TOX: variants seen among roughly 807,000 people sequenced by gnomAD.
The protein encoded by TOX is thymocyte selection associated high mobility group box.
In TOX, 11 loss-of-function variants were observed where a neutral mutation model predicts 53.7. The observed-to-expected ratio is 0.20, with a 90% confidence interval of 0.13 to 0.34. The LOEUF is 0.34. Ranked by LOEUF, TOX falls within the 10% of genes least tolerant of loss-of-function variation. The pLI, the probability that TOX is intolerant of heterozygous loss-of-function variation, is 1.00. For synonymous variants in TOX, 225 were observed against 245.3 expected (o/e 0.92, Z 0.77); for missense variants, 570 against 664.6 (o/e 0.86, Z 1.56).
Position 58,989,303 on chromosome 8 carries a change from G to A in TOX, c.103-29295C>T, listed in dbSNP as rs553349084. Among the ~76,000 whole-genome samples the A allele has an allele frequency of 5.4e-4, 82 of 151,250 alleles. 1 individual carries two copies. Among genetic ancestry groups the A allele is most frequent in the African/African-American group, 2.0e-3 (81 of 41,266 alleles). On this transcript the variant is annotated intron_variant, in intron 1 of 8. Coordinates refer to ENST00000361421, the MANE Select transcript of TOX (RefSeq NM_014729.3). ...TGCACTCCAGCCTGGGTGACAGAGC[G>A]AGACTCTATCTCAAAAAAAAAAAAA...
At chr8:58,901,200 A>G (rs943879269) in intron 3 of TOX, among the ~76,000 whole-genome samples, 7 of 152,166 alleles carry the variant, frequency 4.6e-5, no homozygotes, top group African/African-American at 1.7e-4. Flanking sequence ...CTGTAGCAAA[A>G]TGATTCAAGT....
intron 3 of TOX, among the ~76,000 whole-genome samples, chr8:58,891,924 CA>C (rs1241982708): frequency 1.3e-5 from 2 of 152,156 alleles, no homozygotes; most frequent in Non-Finnish European, 1.5e-5. Context: ...TTTATTTACA[CA>C]TTTTGGTCAG....
At chr8:58,839,821 A>G (rs1810614147) in intron 4 of TOX, among the ~76,000 whole-genome samples, 1 of 152,194 alleles carries the variant, frequency 6.6e-6, no homozygotes, top group African/African-American at 2.4e-5. Flanking sequence ...AATAACTGCC[A>G]CCATTGGAGA....
At chr8:59,051,009 C>T (rs1421210737) in intron 1 of TOX, among the ~76,000 whole-genome samples, 1 of 152,038 alleles carries the variant, frequency 6.6e-6, no homozygotes, top group Non-Finnish European at 1.5e-5. Context: ...GACAAATGTA[C>T]ATATTCTCAC....
chr8:58,902,222 C>T (rs1253253453), intron 3 of TOX, among the ~76,000 whole-genome samples: 5 of 152,114 alleles, frequency 3.3e-5, no homozygotes, highest in Non-Finnish European at 7.4e-5. Flanking sequence ...GCAAAAGTTA[C>T]AGCCTTTATC....
intron 7 of TOX, among the ~76,000 whole-genome samples, chr8:58,808,778 C>G (rs1276190001): frequency 6.6e-6 from 1 of 152,162 alleles, no homozygotes; most frequent in Admixed American, 6.5e-5. Context: ...CCATCTGCTT[C>G]TTCTTTTATT....
At chr8:58,867,158 A>C (rs2129169633) in intron 3 of TOX, among the ~76,000 whole-genome samples, 1 of 152,336 alleles carries the variant, frequency 6.6e-6, no homozygotes, top group Non-Finnish European at 1.5e-5. Context: ...TTTTGAAGAC[A>C]AAAAACACTC....
At chr8:59,093,424 G>T (rs1804659791) in intron 1 of TOX, among the ~76,000 whole-genome samples, 1 of 152,194 alleles carries the variant, frequency 6.6e-6, no homozygotes, top group African/African-American at 2.4e-5. Flanking sequence ...TCCACTGAAT[G>T]ATTATTAATG....
At chr8:58,981,548 A>G (rs1226888573) in intron 1 of TOX, among the ~76,000 whole-genome samples, 1 of 152,254 alleles carries the variant, frequency 6.6e-6, no homozygotes, top group African/African-American at 2.4e-5. Flanking sequence ...CCACTATACA[A>G]TAATGTTTTC....
intron 1 of TOX, among the ~76,000 whole-genome samples, chr8:59,037,750 C>T (rs1245250722): frequency 4.8e-5 from 7 of 145,088 alleles, no homozygotes; most frequent in African/African-American, 1.8e-4. Context: ...TGCAGTGAGC[C>T]GAGACCATGC....
At chr8:58,903,699 A>G (rs755401729) in intron 3 of TOX, among the ~76,000 whole-genome samples, 2 of 152,208 alleles carry the variant, frequency 1.3e-5, no homozygotes, top group Non-Finnish European at 2.9e-5. Flanking sequence ...GAATTTTTGA[A>G]CAGGAGGTGA....
intron 1 of TOX, among the ~76,000 whole-genome samples, chr8:59,024,294 T>C (rs755016307): frequency 6.6e-6 from 1 of 152,190 alleles, no homozygotes; most frequent in Admixed American, 6.5e-5. Context: ...ATTTGAACAA[T>C]TTTAGATAAA....
intron 1 of TOX, among the ~76,000 whole-genome samples, chr8:59,096,023 C>A (rs1006324089): frequency 1.3e-5 from 2 of 152,158 alleles, no homozygotes; most frequent in Non-Finnish European, 2.9e-5. Context: ...TGTCCAACTC[C>A]CCACCTCTCC....
At chr8:59,019,810 T>G (rs1814088102) in intron 1 of TOX, among the ~76,000 whole-genome samples, 1 of 152,334 alleles carries the variant, frequency 6.6e-6, no homozygotes, top group East Asian at 1.9e-4. Context: ...CAGATTATCA[T>G]TTCACTCGGT....
chr8:59,006,637 T>C (rs148690687), intron 1 of TOX, among the ~76,000 whole-genome samples: 8 of 152,322 alleles, frequency 5.3e-5, no homozygotes, highest in African/African-American at 7.2e-5. Flanking sequence ...TCTAATCCTC[T>C]AGGAACTTTT....
At chr8:58,860,084 A>C (rs1416075204) in intron 3 of TOX, among the ~76,000 whole-genome samples, 1 of 152,132 alleles carries the variant, frequency 6.6e-6, no homozygotes, top group East Asian at 1.9e-4. Flanking sequence ...ACAACTGAAA[A>C]AGCAATTTTA....
At chr8:58,874,208 C>T (rs1394766779) in intron 3 of TOX, among the ~76,000 whole-genome samples, 1 of 151,476 alleles carries the variant, frequency 6.6e-6, no homozygotes, top group East Asian at 1.9e-4. Context: ...ACTCTCTCTG[C>T]CCCCTGCCCT....
At chr8:59,064,938 G>A (rs1804059734) in intron 1 of TOX, among the ~76,000 whole-genome samples, 1 of 151,980 alleles carries the variant, frequency 6.6e-6, no homozygotes, top group African/African-American at 2.4e-5. Context: ...TTTCTAAAAG[G>A]GGCCCACTTG....
At chr8:58,856,669 T>C (rs1424541613) in intron 3 of TOX, among the ~76,000 whole-genome samples, 2 of 152,014 alleles carry the variant, frequency 1.3e-5, no homozygotes, top group East Asian at 1.9e-4. Flanking sequence ...TGCATGGCCC[T>C]GTGACAATGA....
Sources: gnomAD v4.1 joint callset for allele counts (sites outside exome capture counted in the v4.1 genomes callset) on GRCh38, gnomAD v4.1.1 for gene constraint, MANE v1.5 for transcripts, NCBI Gene and HGNC (gene_info 2026-07-23, HGNC 2026-07-21) for gene names.